CHST3: variants seen among roughly 807,000 people sequenced by gnomAD.
CHST3 encodes carbohydrate sulfotransferase 3, also known as C6ST-1.
In CHST3, 20 loss-of-function variants were observed where a neutral mutation model predicts 35.4. The observed-to-expected ratio is 0.57, with a 90% CI of 0.40 to 0.82. The LOEUF (loss-of-function observed/expected upper bound fraction) is 0.82, where lower values mean the gene tolerates loss of function less well. Ranked by LOEUF, CHST3 falls within the 40% of genes least tolerant of loss-of-function variation. CHST3 has a pLI of 0.00. For missense variants in CHST3, 693 were observed against 670.1 expected (o/e 1.03, Z -0.38); for synonymous variants, 334 against 295.9 (o/e 1.13, Z -1.32).
chr10:71,965,039 G>C (rs1243417161), intron 1 of CHST3, among the ~76,000 whole-genome samples: 2 of 152,148 alleles, frequency 1.3e-5, no homozygotes, highest in African/African-American at 4.8e-5. Flanking sequence ...CAGCAGGCAC[G>C]TCCTCACACC....
At chr10:72,000,403 G>A (rs539252125) in intron 1 of CHST3, among the ~76,000 whole-genome samples, 1 of 152,290 alleles carries the variant, frequency 6.6e-6, no homozygotes, top group South Asian at 2.1e-4. Context: ...TATGAAGGGA[G>A]TAAAGCAGGG....
chr10:71,985,518 C>T (rs560626121), intron 1 of CHST3, among the ~76,000 whole-genome samples: 1 of 152,286 alleles, frequency 6.6e-6, no homozygotes, highest in African/African-American at 2.4e-5. Context: ...AGCCAAACTC[C>T]AGTTGAGGTC....
chr10:71,964,940 G>A (rs1839614584), intron 1 of CHST3, among the ~76,000 whole-genome samples: 1 of 152,216 alleles, frequency 6.6e-6, no homozygotes, highest in Non-Finnish European at 1.5e-5. Context: ...CGCACACGGC[G>A]CAGGCTGATC....
intron 1 of CHST3, among the ~76,000 whole-genome samples, chr10:71,969,842 C>G (rs1182845074): frequency 6.6e-6 from 1 of 152,300 alleles, no homozygotes; most frequent in East Asian, 1.9e-4. Context: ...GCTGGGAACT[C>G]CTAGAGTGGC....
At chr10:71,982,811 C>T (rs55857571) in intron 1 of CHST3, among the ~76,000 whole-genome samples, 17,318 of 152,218 alleles carry the variant, frequency 0.11, 954 homozygotes, top group Admixed American at 0.16. Flanking sequence ...TGTGTTACAA[C>T]AGCAGTAGGA....
chr10:71,984,714 T>C (rs1006682840), intron 1 of CHST3, among the ~76,000 whole-genome samples: 1 of 152,232 alleles, frequency 6.6e-6, no homozygotes, highest in African/African-American at 2.4e-5. Flanking sequence ...CTATTATCCA[T>C]AAGCATTATC....
intron 1 of CHST3, among the ~76,000 whole-genome samples, chr10:71,973,363 G>C (rs1839713988): frequency 6.6e-6 from 1 of 152,174 alleles, no homozygotes; most frequent in African/African-American, 2.4e-5. Context: ...GCTGCACTCT[G>C]GGCCCACTGC....
At position 72,008,196 on chromosome 10, in the gene CHST3, G is replaced by A; in HGVS notation, c.1165G>A (p.Ala389Thr). The A allele has an allele frequency of 8.4e-6, 13 of 1,550,522 alleles. No individual in the cohort carries two copies. Among genetic ancestry groups the A allele is most frequent in the South Asian group, 1.2e-5 (1 of 84,082 alleles). The stretch of plus-strand genomic sequence containing the variant: ...GAAGGCCCGCGAGATGTACCGCTTC[G>A]CCGGCATCCCCCTGACCCCGCAGGT... ...LQKAREMYRF[A>T]GIPLTPQVED... The change falls in exon 3 of 3, where the codon GCC becomes ACC. Residue 389 changes from alanine to threonine, a missense_variant. By Grantham distance (58) the Ala-to-Thr change is moderately conservative. Coordinates refer to ENST00000373115, the MANE Select transcript of CHST3 (RefSeq NM_004273.5).
rs1343195136 is a variant in CHST3, at chr10:72,007,430, C to T, written c.399C>T (p.Arg133=). 1 of 1,603,294 alleles carries T rather than the reference C, an allele frequency of 6.2e-7. No homozygotes were observed. The highest frequency in any genetic ancestry group is 1.7e-5 in the Admixed American group (1 of 59,700). ...GACCGGCCGTGGCGGGGCCCCGGCGCCACGTGCTGCTCATGGCCACCACGC... is the reference window on the plus strand; with the variant it reads ...GACCGGCCGTGGCGGGGCCCCGGCGTCACGTGCTGCTCATGGCCACCACGC... The part of the protein sequence containing the change: ...PPRPAVAGPR[R]HVLLMATTRT... Residue 133 remains arginine (R), a synonymous_variant, in exon 3 of 3, where the codon CGC becomes CGT. Coordinates refer to ENST00000373115, the MANE Select transcript of CHST3 (RefSeq NM_004273.5).
intron 1 of CHST3, among the ~76,000 whole-genome samples, chr10:71,974,865 C>G (rs1345729254): frequency 6.6e-6 from 1 of 152,154 alleles, no homozygotes; most frequent in Non-Finnish European, 1.5e-5. Context: ...CCTTCCCTGC[C>G]TGGGTCCCCT....
At chr10:71,975,562 A>T (rs146644115) in intron 1 of CHST3, among the ~76,000 whole-genome samples, 53 of 152,340 alleles carry the variant, frequency 3.5e-4, no homozygotes, top group Middle Eastern at 6.8e-3. Flanking sequence ...TGGCTGTGCA[A>T]ATCCCACCCA....
chr10:72,000,333 C>G (rs1290727804), intron 1 of CHST3, among the ~76,000 whole-genome samples: 1 of 152,182 alleles, frequency 6.6e-6, no homozygotes. Flanking sequence ...AGATGAAGCT[C>G]TCCTCTCCCG....
At chr10:71,969,852 C>T (rs923286848) in intron 1 of CHST3, among the ~76,000 whole-genome samples, 5 of 152,174 alleles carry the variant, frequency 3.3e-5, no homozygotes, top group East Asian at 1.9e-4. Context: ...CCTAGAGTGG[C>T]GGCACAGAGA....
intron 1 of CHST3, among the ~76,000 whole-genome samples, chr10:71,993,378 A>T (rs1839914735): frequency 6.6e-6 from 1 of 152,228 alleles, no homozygotes; most frequent in Non-Finnish European, 1.5e-5. Flanking sequence ...TTCTCTTATT[A>T]CTTCCACCAC....
At chr10:71,971,588 TG>T (rs1002764545) in intron 1 of CHST3, among the ~76,000 whole-genome samples, 21 of 152,308 alleles carry the variant, frequency 1.4e-4, no homozygotes, top group Admixed American at 1.0e-3. Context: ...CCTCTCCAGC[TG>T]CCTCGCCATC....
intron 1 of CHST3, among the ~76,000 whole-genome samples, chr10:71,992,757 T>C (rs1320264704): frequency 6.6e-6 from 1 of 151,436 alleles, no homozygotes; most frequent in African/African-American, 2.4e-5. Flanking sequence ...ACCTCCCAGA[T>C]TCAAGCAATT....
chr10:72,004,896 G>A (rs1388686933), intron 1 of CHST3, among the ~76,000 whole-genome samples: 1 of 152,178 alleles, frequency 6.6e-6, no homozygotes, highest in Non-Finnish European at 1.5e-5. Flanking sequence ...TTGGGAGGCC[G>A]AGGCAGGTGG....
intron 1 of CHST3, among the ~76,000 whole-genome samples, chr10:71,993,774 T>C (rs1172037119): frequency 6.6e-6 from 1 of 152,042 alleles, no homozygotes; most frequent in Non-Finnish European, 1.5e-5. Flanking sequence ...CTGGGCAACA[T>C]AGTGAGACAT....
At chr10:71,964,752 C>T (rs1379077268) in intron 1 of CHST3, 58 bp downstream of exon 1, 1 of 152,162 alleles carries the variant, frequency 6.6e-6, no homozygotes, top group East Asian at 1.9e-4. Flanking sequence ...GCCGCCCAGC[C>T]GGGAGCCCCC....
Sources: allele counts gnomAD v4.1 joint callset (sites outside exome capture counted in the v4.1 genomes callset), GRCh38; gene constraint gnomAD v4.1.1; transcripts MANE v1.5; gene names NCBI Gene and HGNC (gene_info 2026-07-23, HGNC 2026-07-21).